The following NWD2 variants were observed in gnomAD, a reference collection of about 807,000 sequenced individuals.
The protein encoded by NWD2 is NACHT and WD repeat domain containing 2.
In NWD2, 37 loss-of-function variants were observed where a neutral mutation model predicts 132.7. That is an observed-to-expected ratio of 0.28 (90% CI 0.21 to 0.37). The LOEUF is 0.37. NWD2 is among the 10% of genes least tolerant of loss of function. The probability of loss-of-function intolerance (pLI) is 1.00; values close to 1 mark genes in which losing one functional copy is unlikely to be tolerated. For synonymous variants in NWD2, 705 were observed against 803.0 expected (o/e 0.88, Z 2.06); for missense variants, 1,592 against 2,122.4 (o/e 0.75, Z 4.91).
rs981213537 is a variant in NWD2 at position 37,436,287 on chromosome 4, T to G, written c.706+2267T>G. ...TAATAATGCCCTAAAATTCTAAAAT[T>G]TATAATATTTATAGATAGGCATCAG... On this transcript the variant is annotated intron_variant, in intron 5 of 6. Coordinates refer to ENST00000309447, the MANE Select transcript of NWD2 (RefSeq NM_001144990.2). Among the ~76,000 whole-genome samples the G allele has an allele frequency of 2.5e-4, 38 of 152,148 alleles. 1 individual carries two copies. The highest frequency in any genetic ancestry group is 8.4e-4 in the African/African-American group (35 of 41,434).
chr4:37,299,219 C>T (rs1718563612), intron 1 of NWD2, among the ~76,000 whole-genome samples: 1 of 152,154 alleles, frequency 6.6e-6, no homozygotes, highest in Admixed American at 6.5e-5. Context: ...TCCCTCTGTG[C>T]CTTTCTGTAA....
intron 3 of NWD2, among the ~76,000 whole-genome samples, chr4:37,418,951 G>A (rs985889017): frequency 6.6e-6 from 1 of 150,626 alleles, no homozygotes; most frequent in African/African-American, 2.4e-5. Flanking sequence ...TTTTTTATTG[G>A]CTGCATAAGA....
At chr4:37,288,166 G>A (rs1194730145) in intron 1 of NWD2, among the ~76,000 whole-genome samples, 1 of 152,202 alleles carries the variant, frequency 6.6e-6, no homozygotes, top group Non-Finnish European at 1.5e-5. Context: ...CTTAGGGGTT[G>A]AAGGGAGGGA....
chr4:37,285,863 T>C (rs73240351), intron 1 of NWD2, among the ~76,000 whole-genome samples: 24,629 of 152,214 alleles, frequency 0.16, 2,555 homozygotes, highest in South Asian at 0.32. Flanking sequence ...ATTCAGATGA[T>C]TGAATTTTTA....
chr4:37,323,247 A>G (rs1030869244), intron 1 of NWD2, among the ~76,000 whole-genome samples: 4 of 152,200 alleles, frequency 2.6e-5, no homozygotes, highest in African/African-American at 7.2e-5. Context: ...AGAATCTATT[A>G]ACAGAGTAAA....
At chr4:37,380,522 G>A (rs890830229) in intron 3 of NWD2, among the ~76,000 whole-genome samples, 6 of 152,142 alleles carry the variant, frequency 3.9e-5, no homozygotes, top group African/African-American at 1.4e-4. Context: ...AGATCAAATA[G>A]GATATTGTGT....
chr4:37,302,973 G>A (rs946090653), intron 1 of NWD2, among the ~76,000 whole-genome samples: 7 of 152,070 alleles, frequency 4.6e-5, no homozygotes, highest in Non-Finnish European at 8.8e-5. Flanking sequence ...TAATCCATTT[G>A]TCATTTTTGC....
In NWD2 at chr4:37,245,081, G is replaced by A. The variant is rs1166109591; in HGVS notation, c.14G>A (p.Gly5Asp). 2.6e-5 allele frequency: 40 copies of A among 1,545,982 alleles called. No homozygotes were observed. The highest frequency in any genetic ancestry group is 3.9e-5 in the Admixed American group (2 of 50,986). Residue 5 changes from glycine (G) to aspartate (D), a missense_variant, in exon 1 of 7, where the codon GGC (glycine) becomes GAC (aspartate). Transcript: ENST00000309447. ...TCCCAGAGGGCGATGTGGCCGGCCG[G>A]CGCGGGCACCAAGCTGCCCTGTCCC... MWPA[G>D]AGTKLPCPRD...
chr4:37,398,403 G>A (rs1485367079), intron 3 of NWD2, among the ~76,000 whole-genome samples: 1 of 152,180 alleles, frequency 6.6e-6, no homozygotes. Context: ...TAAACAATGA[G>A]AGCACATGGA....
chr4:37,368,510 A>C (rs1720144425), intron 3 of NWD2, among the ~76,000 whole-genome samples: 2 of 152,212 alleles, frequency 1.3e-5, no homozygotes, highest in Non-Finnish European at 2.9e-5. Flanking sequence ...CCACTTAAAC[A>C]GAAAGAGGTG....
Position 37,443,505 on chromosome 4 carries a change from A to G in NWD2, c.1517A>G (p.Gln506Arg). Residue 506 changes from glutamine to arginine, a missense_variant, in exon 7 of 7, where the codon CAG (glutamine) becomes CGG (arginine). Gln to Arg is a conservative substitution (Grantham distance 43, BLOSUM62 1). This residue lies in a region of NWD2 where 1,071 missense variants were observed against 1,398.0 expected (regional missense o/e 0.77). Transcript: ENST00000309447. The surrounding 1 kb of genome is among the most constrained non-coding windows in gnomAD (Gnocchi z 4.1). ...AATCTTTTGAATGAGTCTTCACTGC[A>G]GAGACCTCTAGTCATAATATTCGAT... ...FINLLNESSL[Q>R]RPLVIIFDAL... The G allele has an allele frequency of 6.4e-7, 1 of 1,551,982 alleles. No individual in the cohort carries two copies. The highest frequency in any genetic ancestry group is 8.7e-7 in the Non-Finnish European group (1 of 1,147,036).
rs542772329 is a variant in NWD2 at position 37,349,235 on chromosome 4, C to T, written c.241-7131C>T. 3.9e-5 allele frequency among the ~76,000 whole-genome samples: 6 copies of T among 152,246 alleles called. No individual in the cohort carries two copies. The South Asian group carries it at 1.2e-3, about 32-fold the overall frequency. On this transcript the variant is annotated intron_variant, in intron 2 of 6. Coordinates refer to ENST00000309447, the MANE Select transcript of NWD2 (RefSeq NM_001144990.2). ...ACTGGGTCAAATGGTATTTCTGTTT[C>T]TAGATCCTTGAGGAATCGCCACACT...
At chr4:37,302,642 GATA>G (rs1027950529) in intron 1 of NWD2, among the ~76,000 whole-genome samples, 3 of 151,494 alleles carry the variant, frequency 2.0e-5, no homozygotes, top group African/African-American at 7.3e-5. Flanking sequence ...TGTATTTTTT[GATA>G]ATAGCCATTT....
At chr4:37,393,366 G>T (rs1720718260) in intron 3 of NWD2, among the ~76,000 whole-genome samples, 1 of 152,146 alleles carries the variant, frequency 6.6e-6, no homozygotes, top group African/African-American at 2.4e-5. Flanking sequence ...GGGTTCTCAA[G>T]AAATTTTAGT....
chr4:37,343,618 C>G (rs942226768), intron 2 of NWD2, among the ~76,000 whole-genome samples: 8 of 152,118 alleles, frequency 5.3e-5, no homozygotes, highest in African/African-American at 1.7e-4. Context: ...GTTTTCAAAA[C>G]TCAGTCATAT....
chr4:37,286,851 G>GA (rs528664905), intron 1 of NWD2, among the ~76,000 whole-genome samples: 29 of 149,738 alleles, frequency 1.9e-4, no homozygotes, highest in South Asian at 4.2e-4. Context: ...TAATCACATT[G>GA]AAAAAAAAAA....
intron 1 of NWD2, among the ~76,000 whole-genome samples, chr4:37,269,402 A>G (rs371277172): frequency 1.3e-5 from 2 of 151,924 alleles, no homozygotes; most frequent in African/African-American, 4.8e-5. Flanking sequence ...GATAAGATTT[A>G]TATACAATGA....
intron 3 of NWD2, among the ~76,000 whole-genome samples, chr4:37,420,102 T>C (rs952890087): frequency 7.2e-5 from 11 of 152,216 alleles, no homozygotes; most frequent in Non-Finnish European, 1.3e-4. Context: ...AGTTCTACAA[T>C]TGTTAATAGG....
Position 37,445,936 on chromosome 4 carries a change from A to G in NWD2, c.3948A>G (p.Gly1316=). Residue 1316 remains glycine, a synonymous_variant, in exon 7 of 7, where the codon GGA becomes GGG. Coordinates refer to ENST00000309447, the MANE Select transcript of NWD2 (RefSeq NM_001144990.2). This position sits in a 1 kb window ranked among gnomAD's most constrained non-coding sequence, Gnocchi z 4.7. The stretch of plus-strand genomic sequence containing the variant: ...CTATGTCCAACATAGATAAGACTGG[A>G]AAACCCATCCAAAGTCTGTTGTTGC... ...ITAMSNIDKT[G]KPIQSLLLPA... 1 of 1,551,778 alleles carries G rather than the reference A, an allele frequency of 6.4e-7. No individual in the cohort carries two copies. The highest frequency in any genetic ancestry group is 1.4e-5 in the African/African-American group (1 of 73,178).
Sources: gnomAD v4.1 joint callset for allele counts (sites outside exome capture counted in the v4.1 genomes callset) on GRCh38, gnomAD v4.1.1 for gene constraint, gnomAD v4.1.1 regional missense constraint, Gnocchi (gnomAD v3.1) non-coding constraint, MANE v1.5 for transcripts, NCBI Gene and HGNC (gene_info 2026-07-23, HGNC 2026-07-21) for gene names.